TRPS1: variants seen among roughly 807,000 people sequenced by gnomAD.
TRPS1 encodes the protein zinc finger transcription factor Trps1.
TRPS1 carries 6 observed loss-of-function variants against 101.2 expected under a neutral mutation model. That is an observed-to-expected ratio of 0.06 (90% CI 0.03 to 0.12). The LOEUF is 0.12. TRPS1 is among the 10% of genes least tolerant of loss of function. TRPS1 has a pLI of 1.00. For synonymous variants in TRPS1, 578 were observed against 589.8 expected (o/e 0.98, Z 0.29); for missense variants, 1,363 against 1,567.0 (o/e 0.87, Z 2.20).
At chr8:115,434,790 T>G (rs1813409313) in intron 5 of TRPS1, among the ~76,000 whole-genome samples, 1 of 152,200 alleles carries the variant, frequency 6.6e-6, no homozygotes, top group Non-Finnish European at 1.5e-5. Context: ...TTATAACCTG[T>G]CGAAATGTTC....
chr8:115,639,373 A>G (rs1482023578), intron 1 of TRPS1, among the ~76,000 whole-genome samples: 2 of 152,194 alleles, frequency 1.3e-5, no homozygotes, highest in Non-Finnish European at 1.5e-5. Context: ...CCAACAGTCA[A>G]TCACTATATG....
Position 115,418,375 on chromosome 8 carries a change from G to A in TRPS1, c.2778C>T (p.Gly926=), listed in dbSNP as rs375394114. 34 of 1,613,956 alleles carry A rather than the reference G, an allele frequency of 2.1e-5. No homozygotes were observed. Among genetic ancestry groups the A allele is most frequent in the African/African-American group, 1.1e-4 (8 of 74,900 alleles). ...GGCCACACGCGTTGCATACATATCC[G>A]CCATTTGCATTCTTTCGCCAGAGAG... is the stretch of plus-strand genomic sequence containing the variant. ...KTSLWRKNAN[G]GYVCNACGLY... The change falls in exon 6 of 7, where the codon GGC becomes GGT. Residue 926 remains glycine, a synonymous_variant. Coordinates refer to ENST00000395715, the MANE Select transcript of TRPS1 (RefSeq NM_014112.5). This position sits in a 1 kb window ranked among gnomAD's most constrained non-coding sequence, Gnocchi z 4.3.
chr8:115,472,140 T>C (rs1185769340), intron 5 of TRPS1, among the ~76,000 whole-genome samples: 2 of 152,246 alleles, frequency 1.3e-5, no homozygotes, highest in Admixed American at 1.3e-4. Flanking sequence ...CCCTTCTGCA[T>C]TGCCCTAGCA....
intron 1 of TRPS1, among the ~76,000 whole-genome samples, chr8:115,647,456 A>C (rs1054019336): frequency 6.6e-6 from 1 of 152,188 alleles, no homozygotes; most frequent in African/African-American, 2.4e-5. Flanking sequence ...AGAATGCTAA[A>C]AATACAGTAG....
Position 115,410,697 on chromosome 8 carries a change from A to G in TRPS1, c.*3326T>C, listed in dbSNP as rs1433893222. 2.0e-5 allele frequency: 3 copies of G among 152,534 alleles called. No homozygotes were observed. Among genetic ancestry groups the G allele is most frequent in the Non-Finnish European group, 4.4e-5 (3 of 67,998 alleles). The allele number at this position is 152,534 out of a possible 1,614,324, so 9.4% of individuals were successfully genotyped here. A position where few individuals can be genotyped will look rare whatever the true frequency, so the allele number is the denominator to read the frequency against. Reference sequence around the variant, plus strand: ...TACAGAGGTGAGTGATGAGAGAAAGAGTGAGAAAAGGAAGAATGAGAACGC... The same window carrying G: ...TACAGAGGTGAGTGATGAGAGAAAGGGTGAGAAAAGGAAGAATGAGAACGC... On this transcript the variant is annotated 3_prime_UTR_variant, in exon 7 of 7. Transcript: ENST00000395715.
chr8:115,538,127 C>T (rs1490771299), intron 5 of TRPS1, among the ~76,000 whole-genome samples: 1 of 152,182 alleles, frequency 6.6e-6, no homozygotes, highest in Non-Finnish European at 1.5e-5. Flanking sequence ...ACAAGTTAAA[C>T]TTTTCATCGT....
intron 5 of TRPS1, among the ~76,000 whole-genome samples, chr8:115,535,236 C>CATATATATCAT (rs1554583787): frequency 8.4e-6 from 1 of 118,544 alleles, no homozygotes; most frequent in Non-Finnish European, 1.7e-5. Context: ...ATATATATAG[C>CATATATATCAT]ATATATAGCA....
At chr8:115,515,084 GA>G in intron 5 of TRPS1, 1 of 588,916 alleles carries the variant, frequency 1.7e-6, no homozygotes, top group South Asian at 2.1e-5. Flanking sequence ...GGACTCAAGA[GA>G]AATGAAGTAA....
chr8:115,599,956 A>G lies in TRPS1; in HGVS notation c.2096+3917T>C, dbSNP rs1301623426. On this transcript the variant is annotated intron_variant, in intron 4 of 6. Coordinates refer to ENST00000395715, the MANE Select transcript of TRPS1 (RefSeq NM_014112.5). ...GGTTGAACTAATTTACACTCCCACC[A>G]ACAGTGTAAAAGTGTTCCTATTTCT... 2.0e-5 allele frequency among the ~76,000 whole-genome samples: 3 copies of G among 152,278 alleles called. No individual in the cohort carries two copies. In the East Asian group the frequency reaches 5.8e-4, roughly 29 times the overall value.
chr8:115,441,892 A>AGTGTGT (rs1242421181), intron 5 of TRPS1, among the ~76,000 whole-genome samples: 60 of 114,382 alleles, frequency 5.2e-4, no homozygotes, highest in Middle Eastern at 5.4e-3. Context: ...AGAGAGAGAG[A>AGTGTGT]GAGAGAGTGT....
At chr8:115,657,243 T>C (rs1811695935) in intron 1 of TRPS1, among the ~76,000 whole-genome samples, 1 of 152,080 alleles carries the variant, frequency 6.6e-6, no homozygotes, top group Non-Finnish European at 1.5e-5. Flanking sequence ...AGAACTAACT[T>C]TCATAAAAGG....
Position 115,475,506 on chromosome 8 carries a change from C to T in TRPS1, c.2701-57054G>A, listed in dbSNP as rs75131118. The stretch of plus-strand genomic sequence containing the variant: ...AGTTTCACGAAAATTGAAAAGAAAG[C>T]AGTTCAGTCTCAGTAAATGTATGGT... On this transcript the variant is annotated intron_variant, in intron 5 of 6. Transcript: ENST00000395715. 7.3e-3 allele frequency among the ~76,000 whole-genome samples: 1,108 copies of T among 151,898 alleles called. 19 individuals are homozygous for T. Among genetic ancestry groups the T allele is most frequent in the African/African-American group, 0.025 (1,040 of 41,432 alleles).
chr8:115,639,623 G>A (rs1818849538), intron 1 of TRPS1, among the ~76,000 whole-genome samples: 1 of 150,736 alleles, frequency 6.6e-6, no homozygotes, highest in African/African-American at 2.5e-5. Flanking sequence ...GAGTCCAGGA[G>A]TTGGAAACCA....
chr8:115,411,808 T>C lies in TRPS1; in HGVS notation c.*2215A>G, dbSNP rs1812796233. ...CTTTCTCTTTTCTCTTTTTTTAATA[T>C]GCAAACAAAAAAATGCAAAAATGAA... is the stretch of plus-strand genomic sequence containing the variant. On this transcript the variant is annotated 3_prime_UTR_variant, in exon 7 of 7. Transcript: ENST00000395715. 6.6e-6 allele frequency: 1 copy of C among 152,184 alleles called. No individual in the cohort carries two copies. The highest frequency in any genetic ancestry group is 1.5e-5 in the Non-Finnish European group (1 of 67,942). 9.4% of individuals were successfully genotyped at this position (152,184 alleles called of 1,614,324 possible).
chr8:115,601,081 T>A (rs1196061153), intron 4 of TRPS1, among the ~76,000 whole-genome samples: 2 of 152,172 alleles, frequency 1.3e-5, no homozygotes, highest in Non-Finnish European at 2.9e-5. Context: ...GAGCTCTAGA[T>A]AAACTCTTCT....
intron 5 of TRPS1, among the ~76,000 whole-genome samples, chr8:115,519,324 T>G (rs1815799940): frequency 6.6e-6 from 1 of 151,736 alleles, no homozygotes; most frequent in Non-Finnish European, 1.5e-5. Flanking sequence ...CCAGCATAAC[T>G]TCTCATTGTA....
intron 1 of TRPS1, among the ~76,000 whole-genome samples, chr8:115,654,235 G>T (rs1276997884): frequency 0.017 from 6 of 352 alleles, no homozygotes; most frequent in African/African-American, 0.023. Flanking sequence ...ATGGAAAGTT[G>T]AGAAATTTAA....
intron 5 of TRPS1, among the ~76,000 whole-genome samples, chr8:115,579,062 G>A (rs1817385162): frequency 1.3e-5 from 2 of 151,830 alleles, no homozygotes; most frequent in African/African-American, 4.8e-5. Context: ...TAATATCCAA[G>A]CCTCAGTTTA....
chr8:115,577,176 C>T (rs4876606), intron 5 of TRPS1, among the ~76,000 whole-genome samples: 152,284 of 152,284 alleles, frequency 1, 76,142 homozygotes, highest in Non-Finnish European at 1. Flanking sequence ...AAGAGGATGT[C>T]TCAAAAGTCC....
Sources: gnomAD v4.1 joint callset for allele counts (sites outside exome capture counted in the v4.1 genomes callset) on GRCh38, gnomAD v4.1.1 for gene constraint, Gnocchi (gnomAD v3.1) non-coding constraint, MANE v1.5 for transcripts, NCBI Gene and HGNC (gene_info 2026-07-23, HGNC 2026-07-21) for gene names.